Variants in OSBPL11 observed in about 807,000 individuals in gnomAD.
OSBPL11 encodes oxysterol binding protein like 11, also known as oxysterol-binding protein-related protein 11.
In OSBPL11, 33 loss-of-function variants were observed where a neutral mutation model predicts 84.4. The ratio of observed to expected loss-of-function variants is 0.39; its 90% CI spans 0.30 to 0.52. OSBPL11 has a LOEUF of 0.52. OSBPL11 is among the 20% of genes least tolerant of loss of function. The pLI, the probability that OSBPL11 is intolerant of heterozygous loss-of-function variation, is 0.72. For missense variants in OSBPL11, 736 were observed against 901.1 expected (o/e 0.82, Z 2.35); for synonymous variants, 276 against 310.2 (o/e 0.89, Z 1.16).
intron 5 of OSBPL11, among the ~76,000 whole-genome samples, chr3:125,568,410 G>A (rs1936193498): frequency 6.8e-6 from 1 of 147,180 alleles, no homozygotes; most frequent in African/African-American, 2.5e-5. Flanking sequence ...CAGCCTGGGC[G>A]ATAGAGTGAG....
In OSBPL11 at chr3:125,567,490, T is replaced by C; in HGVS notation, c.772A>G (p.Lys258Glu). The C allele has an allele frequency of 6.2e-7, 1 of 1,614,126 alleles. No homozygotes were observed. The highest frequency in any genetic ancestry group is 1.3e-5 in the African/African-American group (1 of 75,046). ...TTCATAGTTGCCATGGAAGTAGCTT[T>C]GAGCATTAAGAGATCCTGGTCCAAG... The part of the protein sequence containing the change: ...SSLDQDLLML[K>E]ATSMATMNCL... The change falls in exon 6 of 13, where the codon AAA becomes GAA. Residue 258 changes from lysine (K) to glutamate (E), a missense_variant. Physicochemically the swap from Lys to Glu is moderately conservative, Grantham distance 56. This residue lies in a region of OSBPL11 where 579 missense variants were observed against 717.6 expected (regional missense o/e 0.81). Transcript: ENST00000296220.
intron 2 of OSBPL11, among the ~76,000 whole-genome samples, chr3:125,582,653 GC>G (rs1382777698): frequency 2.0e-5 from 3 of 152,132 alleles, no homozygotes; most frequent in Non-Finnish European, 4.4e-5. Flanking sequence ...AGTATACAAT[GC>G]CCAAGCCAGG....
At position 125,552,303 on chromosome 3, in the gene OSBPL11, T is replaced by C; in HGVS notation, c.1532A>G (p.His511Arg). Residue 511 changes from histidine to arginine, a missense_variant, in exon 9 of 13, where the codon CAT becomes CGT. Physicochemically the swap from His to Arg is conservative, Grantham distance 29. This residue lies in a region of OSBPL11 where 579 missense variants were observed against 717.6 expected (regional missense o/e 0.81). Coordinates refer to ENST00000296220, the MANE Select transcript of OSBPL11 (RefSeq NM_022776.5). ...ATAAAATCCTGAGACTGGAGGATGATGAGAAACCTGCTCAGCAACAAATCT... is the reference window on the plus strand; with the variant it reads ...ATAAAATCCTGAGACTGGAGGATGACGAGAAACCTGCTCAGCAACAAATCT... ...TVRFVAEQVS[H>R]HPPVSGFYAE... is the part of the protein sequence containing the mutation. 1 of 1,613,094 alleles carries C rather than the reference T, an allele frequency of 6.2e-7. No homozygotes were observed. Among genetic ancestry groups the C allele is most frequent in the Non-Finnish European group, 8.5e-7 (1 of 1,179,056 alleles).
intron 6 of OSBPL11, among the ~76,000 whole-genome samples, chr3:125,564,238 T>C (rs2107601330): frequency 6.6e-6 from 1 of 152,350 alleles, no homozygotes; most frequent in South Asian, 2.1e-4. Flanking sequence ...TGTGAAACAG[T>C]AAGATTTGTT....
At chr3:125,532,589 A>AAAC (rs1553731461) in intron 11 of OSBPL11, among the ~76,000 whole-genome samples, 4 of 150,494 alleles carry the variant, frequency 2.7e-5, no homozygotes, top group African/African-American at 9.9e-5. Flanking sequence ...AAAAAAAAAA[A>AAAC]AAACAAAAAA....
intron 8 of OSBPL11, among the ~76,000 whole-genome samples, chr3:125,555,740 A>G (rs1935982559): frequency 6.6e-6 from 1 of 151,982 alleles, no homozygotes; most frequent in Admixed American, 6.6e-5. Flanking sequence ...GCTGGAGTGC[A>G]GTGGCGTCAT....
At position 125,576,372 on chromosome 3, in the gene OSBPL11, G is replaced by C. The variant is rs374762619; in HGVS notation, c.490-7C>G. 6.5e-6 allele frequency: 10 copies of C among 1,542,864 alleles called. No individual in the cohort carries two copies. In the African/African-American group the frequency reaches 1.3e-4, roughly 20 times the overall value. ...ACTTCAGAGGAGGATTATTCTGTTAGACAAAGAAAATCATTCCTTTTGTTT... is the reference window on the plus strand; with the variant it reads ...ACTTCAGAGGAGGATTATTCTGTTACACAAAGAAAATCATTCCTTTTGTTT... On this transcript the variant is annotated splice_polypyrimidine_tract_variant and splice_region_variant and intron_variant, in intron 4 of 12. Transcript: ENST00000296220.
intron 11 of OSBPL11, among the ~76,000 whole-genome samples, chr3:125,534,798 A>G (rs1385210720): frequency 2.0e-5 from 3 of 151,916 alleles, no homozygotes; most frequent in Non-Finnish European, 4.4e-5. Context: ...ATGTCTCATC[A>G]TTGACTTATT....
chr3:125,571,650 C>T (rs1019202665), intron 5 of OSBPL11, among the ~76,000 whole-genome samples: 4 of 152,190 alleles, frequency 2.6e-5, no homozygotes, highest in African/African-American at 9.6e-5. Context: ...CGTCTGTGGC[C>T]TCAGAGGCTT....
intron 5 of OSBPL11, among the ~76,000 whole-genome samples, chr3:125,572,865 TTA>T (rs950498593): frequency 5.8e-4 from 85 of 146,146 alleles, no homozygotes; most frequent in African/African-American, 1.5e-3. Context: ...ATTTATATAT[TTA>T]TATATATATT....
At chr3:125,576,843 C>T (rs1936332644) in intron 4 of OSBPL11, among the ~76,000 whole-genome samples, 1 of 152,106 alleles carries the variant, frequency 6.6e-6, no homozygotes, top group Non-Finnish European at 1.5e-5. Context: ...ACCACCATGC[C>T]CAGTTAATTT....
In OSBPL11 at chr3:125,595,366, C is replaced by A. The variant is rs1936668738; in HGVS notation, c.-566G>T. The stretch of plus-strand genomic sequence containing the variant: ...CCGCCGGGGGCGGGACGCCGGCTCC[C>A]GGGGCCGCCTCTCCCAGGGCCAGAG... On this transcript the variant is annotated 5_prime_UTR_variant, in exon 1 of 13. Coordinates refer to ENST00000296220, the MANE Select transcript of OSBPL11 (RefSeq NM_022776.5). Among the ~76,000 whole-genome samples, 2 of 152,124 alleles carry A rather than the reference C, an allele frequency of 1.3e-5. No homozygotes were observed. Among genetic ancestry groups the A allele is most frequent in the African/African-American group, 4.8e-5 (2 of 41,444 alleles).
rs761683329 is a variant in OSBPL11 at position 125,594,971 on chromosome 3, AC to A, written c.-172del. The A allele has an allele frequency of 3.0e-6, 2 of 657,044 alleles. No individual in the cohort carries two copies. Among genetic ancestry groups the A allele is most frequent in the Non-Finnish European group, 5.0e-6 (2 of 396,592 alleles). 40.7% of individuals were successfully genotyped at this position (657,044 alleles called of 1,614,324 possible). A position where few individuals can be genotyped will look rare whatever the true frequency, so the allele number is the denominator to read the frequency against. On this transcript the variant is annotated 5_prime_UTR_variant, in exon 1 of 13. Transcript: ENST00000296220. ...CCAGAAAAGGAAGATACACATTCCC[AC>A]AGAAGTTAAACTTTTGAGAGGGCAG... is the stretch of plus-strand genomic sequence containing the variant.
At chr3:125,530,617 A>G (rs1406889699) in intron 12 of OSBPL11, 37 bp from the exon 13 acceptor site, 1 of 1,544,376 alleles carries the variant, frequency 6.5e-7, no homozygotes, top group African/African-American at 1.4e-5. Context: ...CATCCCTCTA[A>G]TATTATCAAA....
intron 8 of OSBPL11, among the ~76,000 whole-genome samples, chr3:125,558,675 CAT>C: frequency 6.6e-6 from 1 of 152,200 alleles, no homozygotes; most frequent in African/African-American, 2.4e-5. Flanking sequence ...AAATATTTGA[CAT>C]ATATAGGTTT....
intron 6 of OSBPL11, among the ~76,000 whole-genome samples, chr3:125,566,877 T>C (rs901298972): frequency 2.0e-5 from 3 of 152,000 alleles, no homozygotes; most frequent in Non-Finnish European, 4.4e-5. Flanking sequence ...CTTGGACTCC[T>C]GGGCTCGGGA....
At position 125,594,769 on chromosome 3, in the gene OSBPL11, T is replaced by C; in HGVS notation, c.32A>G (p.Lys11Arg). 6.2e-7 allele frequency: 1 copy of C among 1,614,186 alleles called. No individual in the cohort carries two copies. Among genetic ancestry groups the C allele is most frequent in the Non-Finnish European group, 8.5e-7 (1 of 1,180,016 alleles). MQGGEPVSTMKVSESEGKLEG... is the reference protein window; with the variant it reads MQGGEPVSTMRVSESEGKLEG... ...CAGCTTTCCTTCGCTCTCCGAGACTTTCATTGTGGACACTGGTTCACCCCC... is the reference window on the plus strand; with the variant it reads ...CAGCTTTCCTTCGCTCTCCGAGACTCTCATTGTGGACACTGGTTCACCCCC... Residue 11 changes from lysine to arginine, a missense_variant, in exon 1 of 13, where the codon AAA (lysine) becomes AGA (arginine). Transcript: ENST00000296220.
intron 1 of OSBPL11, among the ~76,000 whole-genome samples, chr3:125,592,433 C>CA (rs1004974509): frequency 5.3e-5 from 8 of 151,120 alleles, no homozygotes; most frequent in Admixed American, 2.0e-4. Context: ...TTCTGTGTGT[C>CA]AAAAAAAATG....
chr3:125,543,196 A>C (rs1452557506), intron 10 of OSBPL11, among the ~76,000 whole-genome samples: 1 of 144,724 alleles, frequency 6.9e-6, no homozygotes, highest in Non-Finnish European at 1.5e-5. Flanking sequence ...CAGTGGTGCA[A>C]TATCGGCTCA....
Sources: allele counts gnomAD v4.1 joint callset (sites outside exome capture counted in the v4.1 genomes callset), GRCh38; gene constraint gnomAD v4.1.1; regional missense constraint gnomAD v4.1.1; transcripts MANE v1.5; gene names NCBI Gene and HGNC (gene_info 2026-07-23, HGNC 2026-07-21).